The following ENAH variants were observed in gnomAD, a reference collection of about 807,000 sequenced individuals.
ENAH encodes the protein ENAH actin regulator, also known as protein enabled homolog.
ENAH carries 23 observed loss-of-function variants against 78.7 expected under a neutral mutation model. The ratio of observed to expected loss-of-function variants is 0.29; its 90% confidence interval spans 0.21 to 0.41. The LOEUF (loss-of-function observed/expected upper bound fraction) is 0.41, where lower values mean the gene tolerates loss of function less well. Ranked by LOEUF, ENAH falls within the 10% of genes least tolerant of loss-of-function variation. The pLI is 1.00. For missense variants in ENAH, 544 were observed against 691.0 expected (o/e 0.79, Z 2.39); for synonymous variants, 226 against 241.0 (o/e 0.94, Z 0.58).
At chr1:225,583,986 C>G (rs1441402760) in intron 1 of ENAH, among the ~76,000 whole-genome samples, 1 of 151,934 alleles carries the variant, frequency 6.6e-6, no homozygotes, top group Non-Finnish European at 1.5e-5. Context: ...AACGCCATCT[C>G]CACTAAAAAT....
At chr1:225,518,230 T>C (rs936466733) in intron 5 of ENAH, among the ~76,000 whole-genome samples, 11 of 152,366 alleles carry the variant, frequency 7.2e-5, no homozygotes, top group African/African-American at 2.4e-4. Flanking sequence ...AATAAGTGGA[T>C]TAATAAATTT....
At chr1:225,634,007 G>A (rs1339327980) in intron 1 of ENAH, among the ~76,000 whole-genome samples, 1 of 152,186 alleles carries the variant, frequency 6.6e-6, no homozygotes, top group Non-Finnish European at 1.5e-5. Flanking sequence ...AATTAACAAT[G>A]AAGTACCTCA....
intron 1 of ENAH, among the ~76,000 whole-genome samples, chr1:225,587,211 G>A (rs1331016966): frequency 3.3e-5 from 5 of 151,378 alleles, no homozygotes; most frequent in African/African-American, 1.2e-4. Flanking sequence ...GAAAGAAAAG[G>A]AAAAAAAAGA....
chr1:225,645,888 C>G (rs1019681095), intron 1 of ENAH, among the ~76,000 whole-genome samples: 50 of 152,278 alleles, frequency 3.3e-4, no homozygotes, highest in African/African-American at 1.2e-3. Context: ...TTACCCTACA[C>G]CATTCAATCT....
chr1:225,514,973 G>T, intron 6 of ENAH, 73 bp from the exon 7 acceptor site: 2 of 1,223,610 alleles, frequency 1.6e-6, no homozygotes, highest in Non-Finnish European at 2.4e-6. Context: ...GGGAAGGTAC[G>T]CAGAATGCCA....
chr1:225,621,589 GC>G (rs1215541933), intron 1 of ENAH, among the ~76,000 whole-genome samples: 1 of 151,890 alleles, frequency 6.6e-6, no homozygotes, highest in Non-Finnish European at 1.5e-5. Context: ...ACCGCGCCCG[GC>G]CTAAATCTAT....
chr1:225,647,152 G>A (rs1481417386), intron 1 of ENAH, among the ~76,000 whole-genome samples: 1 of 152,134 alleles, frequency 6.6e-6, no homozygotes, highest in Non-Finnish European at 1.5e-5. Flanking sequence ...CTTGAACCCA[G>A]GAGGCGGAAG....
chr1:225,554,144 C>A (rs2096654977), intron 3 of ENAH, among the ~76,000 whole-genome samples: 1 of 152,094 alleles, frequency 6.6e-6, no homozygotes, highest in African/African-American at 2.4e-5. Flanking sequence ...TCATTAAAAT[C>A]ATTACTAAAT....
At chr1:225,561,141 G>A (rs2096702938) in intron 2 of ENAH, among the ~76,000 whole-genome samples, 1 of 152,158 alleles carries the variant, frequency 6.6e-6, no homozygotes, top group Non-Finnish European at 1.5e-5. Context: ...GGCTGAGGCA[G>A]GAGAAAAGCT....
intron 1 of ENAH, among the ~76,000 whole-genome samples, chr1:225,570,256 T>A (rs1395357726): frequency 6.6e-6 from 1 of 152,036 alleles, no homozygotes; most frequent in African/African-American, 2.4e-5. Context: ...CTGCTAGGGT[T>A]TAGCGACAAA....
At chr1:225,541,554 T>A (rs2096588994) in intron 3 of ENAH, among the ~76,000 whole-genome samples, 1 of 152,202 alleles carries the variant, frequency 6.6e-6, no homozygotes, top group African/African-American at 2.4e-5. Flanking sequence ...GTATGTGAAG[T>A]AAAGCTCGAT....
At chr1:225,622,492 C>T (rs1175650602) in intron 1 of ENAH, among the ~76,000 whole-genome samples, 2 of 152,060 alleles carry the variant, frequency 1.3e-5, no homozygotes, top group Non-Finnish European at 2.9e-5. Flanking sequence ...CTTAGTTGTT[C>T]CTGCTGCTAC....
chr1:225,585,899 C>A (rs1234015445), intron 1 of ENAH, among the ~76,000 whole-genome samples: 3 of 152,076 alleles, frequency 2.0e-5, no homozygotes, highest in Non-Finnish European at 4.4e-5. Flanking sequence ...GGCCTAAAAG[C>A]AAAGACTTGA....
intron 1 of ENAH, among the ~76,000 whole-genome samples, chr1:225,586,017 C>T (rs896538260): frequency 6.6e-6 from 1 of 152,002 alleles, no homozygotes; most frequent in Non-Finnish European, 1.5e-5. Flanking sequence ...AGCTTGAGAC[C>T]AGCCTGGGCA....
rs1254277287 is a variant in ENAH at position 225,512,948 on chromosome 1, A to G, written c.1287T>C (p.Asp429=). 3.1e-6 allele frequency: 5 copies of G among 1,613,956 alleles called. No individual in the cohort carries two copies. The highest frequency in any genetic ancestry group is 4.2e-6 in the Non-Finnish European group (5 of 1,179,886). ...GAAGGGGTCCATTTCCACGGCCTGT[A>G]TCTGTTTTAGATGAGGCGGAGTTCA... The part of the protein sequence containing the change: ...IGVNSASSKT[D]TGRGNGPLPL... The change falls in exon 8 of 14, where the codon GAT becomes GAC. Residue 429 remains aspartate, a synonymous_variant. Coordinates refer to ENST00000366843, the MANE Select transcript of ENAH (RefSeq NM_018212.6).
intron 1 of ENAH, among the ~76,000 whole-genome samples, chr1:225,644,058 A>T (rs1480441242): frequency 6.6e-6 from 1 of 152,170 alleles, no homozygotes; most frequent in African/African-American, 2.4e-5. Context: ...TCTTACTTTT[A>T]TATATAATCA....
chr1:225,502,319 T>C (rs148248699), intron 11 of ENAH, among the ~76,000 whole-genome samples: 6,516 of 152,050 alleles, frequency 0.043, 222 homozygotes, highest in South Asian at 0.1. Context: ...TCAAGTGATT[T>C]TCCTGCCTCA....
At chr1:225,602,747 G>T (rs2096937309) in intron 1 of ENAH, among the ~76,000 whole-genome samples, 1 of 152,032 alleles carries the variant, frequency 6.6e-6, no homozygotes, top group African/African-American at 2.4e-5. Context: ...TAAAAAATAA[G>T]AGTGTAACAT....
chr1:225,635,406 G>C (rs1659882442), intron 1 of ENAH, among the ~76,000 whole-genome samples: 1 of 152,106 alleles, frequency 6.6e-6, no homozygotes, highest in African/African-American at 2.4e-5. Flanking sequence ...ACTGATTTTT[G>C]TGTGACGATC....
Sources: allele counts gnomAD v4.1 joint callset (sites outside exome capture counted in the v4.1 genomes callset), GRCh38; gene constraint gnomAD v4.1.1; transcripts MANE v1.5; gene names NCBI Gene and HGNC (gene_info 2026-07-23, HGNC 2026-07-21).